PRDM6: variants seen among roughly 807,000 people sequenced by gnomAD.
The protein encoded by PRDM6 is PR/SET domain 6.
A neutral mutation model predicts 60.8 loss-of-function variants in PRDM6; 25 were observed. That is an observed-to-expected ratio of 0.41 (90% CI 0.30 to 0.57). PRDM6 has a LOEUF of 0.57. PRDM6 is among the 20% of genes least tolerant of loss of function. The pLI is 0.27. For synonymous variants in PRDM6, 407 were observed against 357.4 expected, an observed-to-expected ratio of 1.14 and a Z score of -1.57; for missense variants, 839 against 821.3, an observed-to-expected ratio of 1.02 and a Z score of -0.26.
intron 6 of PRDM6, among the ~76,000 whole-genome samples, chr5:123,172,309 C>T (rs1245374230): frequency 3.3e-5 from 5 of 152,102 alleles, no homozygotes. Context: ...TTTATTTGTG[C>T]TGTTGGAAAA....
chr5:123,159,402 C>G lies in PRDM6; in HGVS notation c.1029-112C>G, dbSNP rs998934518. ...CAGTTGGATGTAAATTTATTACAAA[C>G]AGAAACTGTTTAGATGGAGCTGCGT... is the stretch of plus-strand genomic sequence containing the variant. On this transcript the variant is annotated intron_variant, in intron 4 of 7. Transcript: ENST00000407847. 6.6e-6 allele frequency: 8 copies of G among 1,208,002 alleles called. No individual in the cohort carries two copies. In the African/African-American group the frequency reaches 1.2e-4, roughly 19 times the overall value. The allele number at this position is 1,208,002 out of a possible 1,614,324, so 74.8% of individuals were successfully genotyped here.
chr5:123,104,400 C>A (rs1292124186), intron 3 of PRDM6, among the ~76,000 whole-genome samples: 1 of 151,926 alleles, frequency 6.6e-6, no homozygotes, highest in Non-Finnish European at 1.5e-5. Context: ...TTAAATTAAT[C>A]ATTTTCAATT....
chr5:123,099,769 G>A lies in PRDM6; in HGVS notation c.708G>A (p.Glu236=). 2 of 1,547,524 alleles carry A rather than the reference G, an allele frequency of 1.3e-6. No individual in the cohort carries two copies. The highest frequency in any genetic ancestry group is 1.2e-5 in the South Asian group (1 of 83,754). The change falls in exon 3 of 8, where the codon GAG becomes GAA. Residue 236 remains glutamate, a synonymous_variant. Coordinates refer to ENST00000407847, the MANE Select transcript of PRDM6 (RefSeq NM_001136239.4). The surrounding 1 kb of genome is among the most constrained non-coding windows in gnomAD (Gnocchi z 4.0). ...SSAAAAAPPP[E]LPEWLRDLPR... ...CTGCGGCCGCCGCGCCCCCGCCGGA[G>A]CTGCCGGAGTGGCTGCGGGACCTGC...
At chr5:123,173,740 G>A (rs1399491842) in intron 6 of PRDM6, among the ~76,000 whole-genome samples, 3 of 152,196 alleles carry the variant, frequency 2.0e-5, no homozygotes, top group Admixed American at 6.5e-5. Context: ...AAGATAAGGG[G>A]AAATAGAGGG....
intron 6 of PRDM6, among the ~76,000 whole-genome samples, chr5:123,174,204 G>A (rs1765956141): frequency 6.6e-6 from 1 of 152,168 alleles, no homozygotes; most frequent in Non-Finnish European, 1.5e-5. Flanking sequence ...TCATGTTGCT[G>A]TTCATAACAT....
At chr5:123,155,830 AAATG>A in intron 3 of PRDM6, 50 bp from the exon 4 acceptor site, 1 of 1,533,070 alleles carries the variant, frequency 6.5e-7, no homozygotes, top group South Asian at 1.2e-5. Context: ...GAAGTAGGGA[AAATG>A]ATTGCTGATG....
At chr5:123,166,061 G>A (rs564549121) in intron 5 of PRDM6, among the ~76,000 whole-genome samples, 17 of 152,256 alleles carry the variant, frequency 1.1e-4, no homozygotes, top group African/African-American at 3.4e-4. Context: ...ACCATCCTCT[G>A]TTGTGTTAAC....
chr5:123,147,275 TAAAA>T (rs748652572), intron 3 of PRDM6, among the ~76,000 whole-genome samples: 3 of 98,894 alleles, frequency 3.0e-5, no homozygotes, highest in Admixed American at 2.8e-4. Flanking sequence ...ACACTGATAC[TAAAA>T]AGAGAGAGAG....
chr5:123,122,161 T>C (rs1580495673), intron 3 of PRDM6, among the ~76,000 whole-genome samples: 1 of 7,762 alleles, frequency 1.3e-4, no homozygotes, highest in Non-Finnish European at 2.9e-4. Flanking sequence ...AGACTCCATC[T>C]GACAAAAAAA....
chr5:123,139,814 C>T (rs536852261), intron 3 of PRDM6, among the ~76,000 whole-genome samples: 4 of 151,870 alleles, frequency 2.6e-5, no homozygotes, highest in Non-Finnish European at 5.9e-5. Flanking sequence ...ATTCTGGAAT[C>T]AAGATGTGGT....
chr5:123,093,757 T>C (rs1003458810), intron 2 of PRDM6, among the ~76,000 whole-genome samples: 1 of 152,202 alleles, frequency 6.6e-6, no homozygotes, highest in Non-Finnish European at 1.5e-5. Context: ...GCTGGTGCGT[T>C]GCCTGCTCTT....
At chr5:123,142,439 G>T (rs1765126265) in intron 3 of PRDM6, among the ~76,000 whole-genome samples, 1 of 152,118 alleles carries the variant, frequency 6.6e-6, no homozygotes, top group Non-Finnish European at 1.5e-5. Context: ...GGAATATGAG[G>T]GGGTAAGCCA....
intron 3 of PRDM6, among the ~76,000 whole-genome samples, chr5:123,147,934 TC>T (rs2126866748): frequency 6.6e-6 from 1 of 152,242 alleles, no homozygotes; most frequent in Non-Finnish European, 1.5e-5. Context: ...AGTGCCTGAG[TC>T]CCCATGTCAT....
intron 3 of PRDM6, among the ~76,000 whole-genome samples, chr5:123,109,343 T>C (rs1764258371): frequency 6.6e-6 from 1 of 152,208 alleles, no homozygotes; most frequent in African/African-American, 2.4e-5. Flanking sequence ...GATGGCTATG[T>C]AAATTACAGA....
Position 123,189,480 on chromosome 5 carries a change from C to T in PRDM6, c.*2279C>T, listed in dbSNP as rs1766362539. On this transcript the variant is annotated 3_prime_UTR_variant, in exon 8 of 8. Transcript: ENST00000407847. ...GCTTCCCTCCTCCCTTGATGTCTGG[C>T]ATGGGAAGGTTTTCCTTAACAATGA... 6.6e-6 allele frequency: 1 copy of T among 152,156 alleles called. No individual in the cohort carries two copies. The highest frequency in any genetic ancestry group is 1.5e-5 in the Non-Finnish European group (1 of 68,042). 9.4% of individuals were successfully genotyped at this position (152,156 alleles called of 1,614,324 possible). A position where few individuals can be genotyped will look rare whatever the true frequency, so the allele number is the denominator to read the frequency against.
Position 123,192,640 on chromosome 5 carries a change from A to G in PRDM6, c.*5439A>G, listed in dbSNP as rs1248915625. 6.6e-6 allele frequency: 1 copy of G among 152,190 alleles called. No homozygotes were observed. The highest frequency in any genetic ancestry group is 1.5e-5 in the Non-Finnish European group (1 of 68,038). 9.4% of individuals were successfully genotyped at this position (152,190 alleles called of 1,614,324 possible). On this transcript the variant is annotated 3_prime_UTR_variant, in exon 8 of 8. Coordinates refer to ENST00000407847, the MANE Select transcript of PRDM6 (RefSeq NM_001136239.4). ...AAAAAAAATAACCCTCTCAAGTGTG[A>G]TATACATTAGGACAAATGGCAACAG... is the stretch of plus-strand genomic sequence containing the variant.
chr5:123,115,601 A>C (rs1764421929), intron 3 of PRDM6, among the ~76,000 whole-genome samples: 1 of 152,246 alleles, frequency 6.6e-6, no homozygotes, highest in Non-Finnish European at 1.5e-5. Context: ...GAAAAAAACA[A>C]GAAAAACAAA....
At chr5:123,165,850 T>C (rs1188838541) in intron 5 of PRDM6, among the ~76,000 whole-genome samples, 1 of 152,200 alleles carries the variant, frequency 6.6e-6, no homozygotes, top group Admixed American at 6.5e-5. Flanking sequence ...AAAGCGTAAA[T>C]CTGATCATCT....
chr5:123,117,369 C>T (rs549926312), intron 3 of PRDM6, among the ~76,000 whole-genome samples: 1 of 152,294 alleles, frequency 6.6e-6, no homozygotes, highest in Non-Finnish European at 1.5e-5. Context: ...TTGTCCTGCC[C>T]TAGAAGGCAG....
Sources: allele counts gnomAD v4.1 joint callset (sites outside exome capture counted in the v4.1 genomes callset), GRCh38; gene constraint gnomAD v4.1.1; non-coding constraint Gnocchi (gnomAD v3.1); transcripts MANE v1.5; gene names NCBI Gene and HGNC (gene_info 2026-07-23, HGNC 2026-07-21).